The following CDH20 variants were observed in gnomAD, a reference collection of about 807,000 sequenced individuals.
The protein encoded by CDH20 is cadherin-20.
In CDH20, 29 loss-of-function variants were observed where a neutral mutation model predicts 74.2. The ratio of observed to expected loss-of-function variants is 0.39; its 90% CI spans 0.29 to 0.53. The LOEUF (loss-of-function observed/expected upper bound fraction) is 0.53, where lower values mean the gene tolerates loss of function less well. CDH20 is among the 20% of genes least tolerant of loss of function. The probability of loss-of-function intolerance (pLI) is 0.69; values close to 1 mark genes in which losing one functional copy is unlikely to be tolerated. For missense variants in CDH20, 988 were observed against 1,048.3 expected (o/e 0.94, Z 0.79); for synonymous variants, 469 against 405.4 (o/e 1.16, Z -1.88).
At position 61,478,433 on chromosome 18, in the gene CDH20, C is replaced by G. The variant is rs531398527; in HGVS notation, c.-152-11969C>G. ...CTAATAACTGTTTAATTCAATATCTCAACATTTTTCTTTTCTACCTTTGAT... is the reference window on the plus strand; with the variant it reads ...CTAATAACTGTTTAATTCAATATCTGAACATTTTTCTTTTCTACCTTTGAT... On this transcript the variant is annotated intron_variant, in intron 1 of 11. Transcript: ENST00000262717. Among the ~76,000 whole-genome samples, 14 of 152,144 alleles carry G rather than the reference C, an allele frequency of 9.2e-5. No individual in the cohort carries two copies. In the South Asian group the frequency reaches 1.7e-3, roughly 18 times the overall value.
At chr18:61,551,312 T>C (rs1913422935) in intron 11 of CDH20, among the ~76,000 whole-genome samples, 1 of 152,190 alleles carries the variant, frequency 6.6e-6, no homozygotes, top group African/African-American at 2.4e-5. Flanking sequence ...ATACTAGTAT[T>C]ATTCAATACA....
intron 1 of CDH20, among the ~76,000 whole-genome samples, chr18:61,479,967 T>C (rs927712507): frequency 1.3e-5 from 2 of 152,216 alleles, no homozygotes; most frequent in Non-Finnish European, 2.9e-5. Flanking sequence ...ATTTTCATCA[T>C]AGACTTCCAT....
At chr18:61,372,865 T>A (rs188672521) in intron 1 of CDH20, among the ~76,000 whole-genome samples, 2 of 152,228 alleles carry the variant, frequency 1.3e-5, no homozygotes, top group South Asian at 4.1e-4. Flanking sequence ...AGACTAAAAC[T>A]TCCCCCAGTA....
intron 1 of CDH20, among the ~76,000 whole-genome samples, chr18:61,396,903 C>T (rs919722475): frequency 1.3e-5 from 2 of 152,192 alleles, no homozygotes; most frequent in African/African-American, 2.4e-5. Flanking sequence ...TGTCCACACA[C>T]AGTCTCCTCT....
In CDH20 at chr18:61,492,183, A is replaced by T. The variant is rs117891147; in HGVS notation, c.246+1384A>T. ...TTTTCTCCTAAACGTAGTCTGCCCC[A>T]ACACCCACCCATTATTTCCTAAAAC... On this transcript the variant is annotated intron_variant, in intron 2 of 11. Transcript: ENST00000262717. 5.9e-3 allele frequency among the ~76,000 whole-genome samples: 899 copies of T among 152,078 alleles called. 11 individuals are homozygous for T. The highest frequency in any genetic ancestry group is 0.021 in the South Asian group (100 of 4,800).
chr18:61,554,122 T>G lies in CDH20; in HGVS notation c.1901-68T>G, dbSNP rs559381298. 148 of 1,543,216 alleles carry G rather than the reference T, an allele frequency of 9.6e-5. No individual in the cohort carries two copies. The East Asian group carries it at 2.9e-3, about 31-fold the overall frequency. On this transcript the variant is annotated intron_variant, in intron 11 of 11. Coordinates refer to ENST00000262717, the MANE Select transcript of CDH20 (RefSeq NM_031891.4). ...TCCCCTATCCGTGGTGAATCAAGAC[T>G]ACTTCTAGTCACCGCACACACAGCC...
chr18:61,374,107 A>G (rs1911130698), intron 1 of CDH20, among the ~76,000 whole-genome samples: 1 of 152,142 alleles, frequency 6.6e-6, no homozygotes, highest in South Asian at 2.1e-4. Context: ...ATTCAAATTC[A>G]GAGTGTGTGT....
At chr18:61,467,928 A>G (rs1910023311) in intron 1 of CDH20, among the ~76,000 whole-genome samples, 1 of 152,140 alleles carries the variant, frequency 6.6e-6, no homozygotes, top group Admixed American at 6.5e-5. Context: ...CCATTACCTC[A>G]CATATAGTGA....
Position 61,511,346 on chromosome 18 carries a change from G to GTTGTT in CDH20, c.1017+3799_1017+3803dup, listed in dbSNP as rs376690903. Among the ~76,000 whole-genome samples the GTTGTT allele has an allele frequency of 9.9e-3, 1,500 of 151,794 alleles. 25 individuals carry two copies. The highest frequency in any genetic ancestry group is 0.034 in the African/African-American group (1,402 of 41,408). On this transcript the variant is annotated intron_variant, in intron 6 of 11. Transcript: ENST00000262717. Reference sequence around the variant, plus strand: ...GCCACAGCCACCTATTTTTGTTGTTGTTGTTTTGTTTTGTTTTTGTAGAGA... The same window carrying GTTGTT: ...GCCACAGCCACCTATTTTTGTTGTTGTTGTTTTGTTTTGTTTTGTTTTTGTAGAGA...
At chr18:61,497,773 T>C (rs2144312622) in intron 2 of CDH20, among the ~76,000 whole-genome samples, 1 of 152,264 alleles carries the variant, frequency 6.6e-6, no homozygotes, top group East Asian at 1.9e-4. Flanking sequence ...CCTGAATTTA[T>C]AGCTGGCCTA....
intron 1 of CDH20, among the ~76,000 whole-genome samples, chr18:61,460,947 T>C (rs1383990662): frequency 6.6e-6 from 1 of 152,206 alleles, no homozygotes; most frequent in African/African-American, 2.4e-5. Context: ...CAGAATCTTA[T>C]TTAGAATATC....
chr18:61,363,799 C>A (rs1273876238), intron 1 of CDH20, among the ~76,000 whole-genome samples: 1 of 152,312 alleles, frequency 6.6e-6, no homozygotes, highest in East Asian at 1.9e-4. Flanking sequence ...CCTTTTATTA[C>A]ATCAAAGTTG....
chr18:61,500,988 G>GC (rs1377178693), intron 4 of CDH20, among the ~76,000 whole-genome samples: 2 of 152,204 alleles, frequency 1.3e-5, no homozygotes, highest in Non-Finnish European at 2.9e-5. Context: ...ATCTAGTGTA[G>GC]AGAGGTCTCT....
intron 6 of CDH20, among the ~76,000 whole-genome samples, chr18:61,508,002 A>G (rs896169995): frequency 2.0e-5 from 3 of 152,308 alleles, no homozygotes; most frequent in African/African-American, 7.2e-5. Flanking sequence ...TGCTTCTCAA[A>G]GATCTGTAAA....
At chr18:61,470,572 G>A (rs565237361) in intron 1 of CDH20, among the ~76,000 whole-genome samples, 1 of 151,686 alleles carries the variant, frequency 6.6e-6, no homozygotes, top group East Asian at 1.9e-4. Context: ...GCTCATTCAC[G>A]CCTTAACGGG....
intron 5 of CDH20, among the ~76,000 whole-genome samples, chr18:61,506,731 T>C (rs1290870565): frequency 6.6e-6 from 1 of 152,210 alleles, no homozygotes; most frequent in Admixed American, 6.5e-5. Flanking sequence ...TTTTTAGTAT[T>C]TTATTCTGGA....
chr18:61,385,780 A>C (rs1001453900), intron 1 of CDH20, among the ~76,000 whole-genome samples: 2 of 151,986 alleles, frequency 1.3e-5, no homozygotes, highest in African/African-American at 4.8e-5. Context: ...AAATACAAAA[A>C]TTAGCCAGGT....
At chr18:61,464,614 C>G (rs1909900662) in intron 1 of CDH20, among the ~76,000 whole-genome samples, 1 of 152,170 alleles carries the variant, frequency 6.6e-6, no homozygotes, top group South Asian at 2.1e-4. Flanking sequence ...GAGCTTGCTG[C>G]AGGAGCTGAC....
At chr18:61,414,432 T>C (rs977018470) in intron 1 of CDH20, among the ~76,000 whole-genome samples, 1 of 152,176 alleles carries the variant, frequency 6.6e-6, no homozygotes, top group African/African-American at 2.4e-5. Flanking sequence ...ACTAAAGGAA[T>C]TAGGGCACGT....
Sources: gnomAD v4.1 joint callset for allele counts (sites outside exome capture counted in the v4.1 genomes callset) on GRCh38, gnomAD v4.1.1 for gene constraint, MANE v1.5 for transcripts, NCBI Gene and HGNC (gene_info 2026-07-23, HGNC 2026-07-21) for gene names.